GRIP1: variants seen among roughly 807,000 people sequenced by gnomAD.
The protein encoded by GRIP1 is glutamate receptor interacting protein 1.
GRIP1 carries 45 observed loss-of-function variants against 129.9 expected under a neutral mutation model. The ratio of observed to expected loss-of-function variants is 0.35; its 90% CI spans 0.27 to 0.44. The LOEUF is 0.44. Among genes scored for constraint, GRIP1 ranks in the 20% least tolerant of loss-of-function variants. GRIP1 has a pLI of 1.00. For synonymous variants in GRIP1, 530 were observed against 520.8 expected (o/e 1.02, Z -0.24); for missense variants, 1,196 against 1,396.8 (o/e 0.86, Z 2.29).
At position 66,462,969 on chromosome 12, in the gene GRIP1, G is replaced by A. The variant is rs776645228; in HGVS notation, c.997C>T (p.Leu333Phe). The change falls in exon 9 of 25, where the codon CTT becomes TTT. Residue 333 changes from leucine (L) to phenylalanine (F), a missense_variant. Leu to Phe is a conservative substitution (Grantham distance 22). This residue lies in a region of GRIP1 where 508 missense variants were observed against 587.0 expected (regional missense o/e 0.87). Transcript: ENST00000359742. ...NTTDQVKLEI[L>F]PHHQTRLALK... ...GCCAGCCGGGTCTGATGATGGGGAA[G>A]GATCTCAAGCTTGACCTGGTCAGTG... 6.2e-7 allele frequency: 1 copy of A among 1,613,946 alleles called. No individual in the cohort carries two copies. Among genetic ancestry groups the A allele is most frequent in the African/African-American group, 1.3e-5 (1 of 74,920 alleles).
intron 1 of GRIP1, among the ~76,000 whole-genome samples, chr12:67,016,753 A>G (rs1049478846): frequency 1.3e-5 from 2 of 152,228 alleles, no homozygotes; most frequent in Admixed American, 6.5e-5. Context: ...TTGTATCTGT[A>G]GAAGTATTTT....
chr12:67,001,865 A>G (rs1243933463), intron 1 of GRIP1, among the ~76,000 whole-genome samples: 2 of 152,088 alleles, frequency 1.3e-5, no homozygotes, highest in Non-Finnish European at 2.9e-5. Flanking sequence ...ATCTGCAGAC[A>G]TTTCATGAGC....
At chr12:66,735,844 C>T (rs866011348) in intron 1 of GRIP1, among the ~76,000 whole-genome samples, 1 of 152,154 alleles carries the variant, frequency 6.6e-6, no homozygotes. Context: ...TTCAGCCTGA[C>T]TCTATCCCAA....
intron 1 of GRIP1, among the ~76,000 whole-genome samples, chr12:66,741,575 A>T (rs2136558850): frequency 6.6e-6 from 1 of 152,352 alleles, no homozygotes; most frequent in Middle Eastern, 3.4e-3. Context: ...AGTCACATGT[A>T]AGCAAATATA....
chr12:66,858,486 T>C (rs11176454), intron 1 of GRIP1, among the ~76,000 whole-genome samples: 38,775 of 151,730 alleles, frequency 0.26, 5,324 homozygotes, highest in East Asian at 0.51. Flanking sequence ...TTGACTTTTT[T>C]TTGCAGATTC....
At chr12:67,040,012 C>G (rs189747275) in intron 1 of GRIP1, among the ~76,000 whole-genome samples, 287 of 152,256 alleles carry the variant, frequency 1.9e-3, no homozygotes, top group Non-Finnish European at 3.1e-3. Context: ...GCTGTTCGCT[C>G]TCCTCCCCAT....
intron 2 of GRIP1, among the ~76,000 whole-genome samples, chr12:66,545,341 G>A (rs909489608): frequency 6.6e-6 from 1 of 152,100 alleles, no homozygotes; most frequent in Non-Finnish European, 1.5e-5. Context: ...TAACAGTGAT[G>A]GTTGGCAAAC....
chr12:66,590,739 G>A (rs1159913832), intron 2 of GRIP1, among the ~76,000 whole-genome samples: 1 of 152,138 alleles, frequency 6.6e-6, no homozygotes, highest in Non-Finnish European at 1.5e-5. Flanking sequence ...GGAACCTCTG[G>A]CTTTTCAAAG....
chr12:66,835,155 TAAAC>T (rs2039590908), intron 1 of GRIP1, among the ~76,000 whole-genome samples: 3 of 151,852 alleles, frequency 2.0e-5, no homozygotes, highest in African/African-American at 2.4e-5. Flanking sequence ...ACCAACCAAA[TAAAC>T]AAACAAACAA....
intron 1 of GRIP1, among the ~76,000 whole-genome samples, chr12:66,958,130 T>A (rs1175799957): frequency 6.6e-6 from 1 of 152,082 alleles, no homozygotes; most frequent in Non-Finnish European, 1.5e-5. Context: ...AATACATGGA[T>A]TTTGCTTGCT....
intron 1 of GRIP1, among the ~76,000 whole-genome samples, chr12:66,644,884 GT>G: frequency 6.6e-6 from 1 of 152,230 alleles, no homozygotes; most frequent in Non-Finnish European, 1.5e-5. Flanking sequence ...TGCCACCTTA[GT>G]TTTGTAATGT....
chr12:66,635,963 A>G (rs2031321758), intron 1 of GRIP1, among the ~76,000 whole-genome samples: 1 of 152,210 alleles, frequency 6.6e-6, no homozygotes, highest in African/African-American at 2.4e-5. Context: ...ACCCGTGTTC[A>G]TAGGAGCATT....
At chr12:66,707,783 C>G (rs1181951796) in intron 1 of GRIP1, among the ~76,000 whole-genome samples, 1 of 151,934 alleles carries the variant, frequency 6.6e-6, no homozygotes, top group Non-Finnish European at 1.5e-5. Context: ...GAAAACCCAT[C>G]TTTTGCTAGA....
Position 66,456,911 on chromosome 12 carries a change from T to C in GRIP1, c.1043-569A>G, listed in dbSNP as rs530784554. 1.0e-3 allele frequency among the ~76,000 whole-genome samples: 155 copies of C among 152,294 alleles called. 1 individual carries two copies. In the South Asian group the frequency reaches 0.014, roughly 13 times the overall value. Reference sequence around the variant, plus strand: ...AACAATAAACCACTCTAATCATCTATCAGTATCAGAATCTTATCTGTATCT... The same window carrying C: ...AACAATAAACCACTCTAATCATCTACCAGTATCAGAATCTTATCTGTATCT... On this transcript the variant is annotated intron_variant, in intron 9 of 24. Transcript: ENST00000359742.
At chr12:66,580,568 C>T (rs2063334416) in intron 2 of GRIP1, among the ~76,000 whole-genome samples, 1 of 150,692 alleles carries the variant, frequency 6.6e-6, no homozygotes, top group African/African-American at 2.4e-5. Flanking sequence ...GGAAGATCTA[C>T]CAAGCAAATG....
At chr12:67,040,402 G>T (rs989881098) in intron 1 of GRIP1, among the ~76,000 whole-genome samples, 5 of 152,130 alleles carry the variant, frequency 3.3e-5, no homozygotes, top group Non-Finnish European at 7.4e-5. Flanking sequence ...TGATCTTTCT[G>T]TGCCTTGTCC....
rs2032516837 is a variant in GRIP1, at chr12:66,648,181, C to T, written c.55+30669G>A. Among the ~76,000 whole-genome samples the T allele has an allele frequency of 2.5e-5, 3 of 122,280 alleles. No homozygotes were observed. In the South Asian group the frequency reaches 9.5e-4, roughly 39 times the overall value. 80.2% of individuals were successfully genotyped at this position (122,280 alleles called of 152,430 possible). ...CAGCAACTTAAGGGGCACCATCTGG[C>T]TCCACAGATCCCGCTCCTGGCTTGT... On this transcript the variant is annotated intron_variant, in intron 1 of 24. Transcript: ENST00000359742.
At chr12:66,462,214 GA>G (rs1318630199) in intron 9 of GRIP1, among the ~76,000 whole-genome samples, 1 of 152,094 alleles carries the variant, frequency 6.6e-6, no homozygotes, top group South Asian at 2.1e-4. Flanking sequence ...TCTATCCTAA[GA>G]AAAAAACTCC....
intron 15 of GRIP1, among the ~76,000 whole-genome samples, chr12:66,409,646 T>A (rs2057315692): frequency 6.6e-6 from 1 of 152,180 alleles, no homozygotes; most frequent in Admixed American, 6.5e-5. Context: ...TGAACATCCA[T>A]GAGCATCAAG....
Sources: gnomAD v4.1 joint callset for allele counts (sites outside exome capture counted in the v4.1 genomes callset) on GRCh38, gnomAD v4.1.1 for gene constraint, gnomAD v4.1.1 regional missense constraint, MANE v1.5 for transcripts, NCBI Gene and HGNC (gene_info 2026-07-23, HGNC 2026-07-21) for gene names.